The following FBXW8 variants were observed in gnomAD, a reference collection of about 807,000 sequenced individuals.
FBXW8 encodes F-box/WD repeat-containing protein 8.
A neutral mutation model predicts 65.3 loss-of-function variants in FBXW8; 57 were observed. The observed-to-expected ratio is 0.87, with a 90% CI of 0.71 to 1.09. FBXW8 has a LOEUF of 1.09. FBXW8 is among the 50% of genes least tolerant of loss of function. The pLI is 0.00. For missense variants in FBXW8, 777 were observed against 814.8 expected (o/e 0.95, Z 0.57); for synonymous variants, 308 against 330.2 (o/e 0.93, Z 0.73).
At chr12:117,010,015 G>C (rs1953765677) in intron 7 of FBXW8, among the ~76,000 whole-genome samples, 1 of 152,174 alleles carries the variant, frequency 6.6e-6, no homozygotes, top group African/African-American at 2.4e-5. Context: ...TTTCCAGACG[G>C]CTTTCTCTTT....
intron 7 of FBXW8, among the ~76,000 whole-genome samples, chr12:117,009,177 G>C (rs955123387): frequency 6.6e-6 from 1 of 152,166 alleles, no homozygotes; most frequent in Admixed American, 6.5e-5. Flanking sequence ...TTTGAGACCC[G>C]GCTGGGCAAC....
chr12:116,940,180 C>T (rs1468702727), intron 2 of FBXW8, among the ~76,000 whole-genome samples: 1 of 151,906 alleles, frequency 6.6e-6, no homozygotes, highest in Non-Finnish European at 1.5e-5. Context: ...TTAATGGATC[C>T]GTGTCAGCCT....
chr12:116,998,792 T>C (rs757288000), intron 7 of FBXW8, among the ~76,000 whole-genome samples: 8 of 152,226 alleles, frequency 5.3e-5, no homozygotes, highest in Non-Finnish European at 7.3e-5. Flanking sequence ...GTCCAGACAG[T>C]TGAGACTGAT....
intron 2 of FBXW8, among the ~76,000 whole-genome samples, chr12:116,930,683 CT>C (rs1291946899): frequency 2.0e-5 from 3 of 152,084 alleles, no homozygotes; most frequent in African/African-American, 7.2e-5. Context: ...GTTGCCTGTT[CT>C]TTTGGGGTCA....
At chr12:116,980,257 C>G (rs1885217494) in intron 5 of FBXW8, 1 of 152,278 alleles carries the variant, frequency 6.6e-6, no homozygotes, top group South Asian at 2.1e-4. Flanking sequence ...TACCTTGGTT[C>G]TGCATGTCTT....
At chr12:116,931,452 C>T (rs986616905) in intron 2 of FBXW8, among the ~76,000 whole-genome samples, 2 of 151,948 alleles carry the variant, frequency 1.3e-5, no homozygotes, top group African/African-American at 4.8e-5. Context: ...GATTGCATTT[C>T]ACTCACTTTG....
chr12:116,968,230 T>C (rs1216399410), intron 5 of FBXW8, among the ~76,000 whole-genome samples: 1 of 152,246 alleles, frequency 6.6e-6, no homozygotes, highest in African/African-American at 2.4e-5. Flanking sequence ...AAGTTATATA[T>C]TGAGAAATCT....
intron 3 of FBXW8, 37 bp from the exon 4 acceptor site, chr12:116,949,581 G>A: frequency 2.5e-6 from 4 of 1,587,992 alleles, no homozygotes; most frequent in Non-Finnish European, 3.5e-6. Context: ...GCTGTCCCGA[G>A]AGCAGTCTAA....
intron 2 of FBXW8, among the ~76,000 whole-genome samples, chr12:116,933,961 T>C (rs16947131): frequency 0.047 from 7,176 of 152,210 alleles, 413 homozygotes; most frequent in African/African-American, 0.13. Flanking sequence ...CTAGGTGCCT[T>C]GGGATTTTAG....
chr12:116,992,269 T>C (rs1953260021), intron 7 of FBXW8, among the ~76,000 whole-genome samples: 5 of 152,142 alleles, frequency 3.3e-5, no homozygotes, highest in Admixed American at 3.3e-4. Flanking sequence ...AACATCTTGA[T>C]TTGCTTGTTG....
intron 5 of FBXW8, among the ~76,000 whole-genome samples, chr12:116,983,954 C>T (rs575187744): frequency 6.3e-4 from 96 of 152,194 alleles, no homozygotes; most frequent in Non-Finnish European, 1.2e-3. Flanking sequence ...CTAAGTCCGT[C>T]AGCTAACAAG....
intron 5 of FBXW8, among the ~76,000 whole-genome samples, chr12:116,975,760 T>C (rs1884887802): frequency 6.6e-6 from 1 of 152,090 alleles, no homozygotes; most frequent in African/African-American, 2.4e-5. Context: ...CAGCAGACAA[T>C]TGAGAGGCCT....
At chr12:116,934,129 A>G (rs558486581) in intron 2 of FBXW8, among the ~76,000 whole-genome samples, 2 of 152,320 alleles carry the variant, frequency 1.3e-5, no homozygotes, top group Admixed American at 6.5e-5. Context: ...CCCACAAACC[A>G]TGCCGGAGAC....
intron 9 of FBXW8, 41 bp downstream of exon 9, chr12:117,024,361 A>G (rs539058950): frequency 6.8e-6 from 11 of 1,609,924 alleles, no homozygotes; most frequent in African/African-American, 1.3e-5. Context: ...TCCTAGTAGG[A>G]ACAGGGAAGG....
rs937017814 is a variant in FBXW8 at position 117,030,026 on chromosome 12, T to G, written c.*1854T>G. On this transcript the variant is annotated 3_prime_UTR_variant, in exon 11 of 11. Transcript: ENST00000652555. ...TGAGGATGCAGAAGTACCTACCACATGGGAACCGTTTGTCCACACTCATTC... is the reference window on the plus strand; with the variant it reads ...TGAGGATGCAGAAGTACCTACCACAGGGGAACCGTTTGTCCACACTCATTC... 4 of 152,116 alleles carry G rather than the reference T, an allele frequency of 2.6e-5. No homozygotes were observed. The highest frequency in any genetic ancestry group is 9.7e-5 in the African/African-American group (4 of 41,418). 9.4% of individuals were successfully genotyped at this position (152,116 alleles called of 1,614,324 possible). A position where few individuals can be genotyped will look rare whatever the true frequency, so the allele number is the denominator to read the frequency against.
At chr12:116,918,978 A>G (rs1427939372) in intron 1 of FBXW8, among the ~76,000 whole-genome samples, 1 of 152,008 alleles carries the variant, frequency 6.6e-6, no homozygotes, top group Non-Finnish European at 1.5e-5. Context: ...TTTTTTTCCT[A>G]TATACACAGA....
At chr12:116,974,816 T>G (rs1023303837) in intron 5 of FBXW8, among the ~76,000 whole-genome samples, 1 of 152,180 alleles carries the variant, frequency 6.6e-6, no homozygotes, top group Non-Finnish European at 1.5e-5. Context: ...TTCTAAATGT[T>G]CTTCAATAAA....
At chr12:117,019,240 C>T (rs986077434) in intron 8 of FBXW8, among the ~76,000 whole-genome samples, 2 of 152,202 alleles carry the variant, frequency 1.3e-5, no homozygotes, top group African/African-American at 4.8e-5. Flanking sequence ...TATACATTAT[C>T]ATCTGTGTCC....
intron 9 of FBXW8, among the ~76,000 whole-genome samples, chr12:117,026,422 C>T (rs562137665): frequency 6.6e-6 from 1 of 152,048 alleles, no homozygotes; most frequent in African/African-American, 2.4e-5. Context: ...CCTCCCTTCC[C>T]GGGTCTTTCT....
Sources: gnomAD v4.1 joint callset for allele counts (sites outside exome capture counted in the v4.1 genomes callset) on GRCh38, gnomAD v4.1.1 for gene constraint, MANE v1.5 for transcripts, NCBI Gene and HGNC (gene_info 2026-07-23, HGNC 2026-07-21) for gene names.